The following PDZD4 variants were observed in gnomAD, a reference collection of about 807,000 sequenced individuals.
The protein encoded by PDZD4 is PDZ domain containing 4.
A neutral mutation model predicts 38.5 loss-of-function variants in PDZD4; 9 were observed. That is an observed-to-expected ratio of 0.23 (90% confidence interval 0.14 to 0.41). The LOEUF (loss-of-function observed/expected upper bound fraction) is 0.41. PDZD4 is among the 10% of genes least tolerant of loss of function. The pLI is 1.00. For synonymous variants in PDZD4, 349 were observed against 315.7 expected (o/e 1.11, Z -1.12); for missense variants, 612 against 722.0 (o/e 0.85, Z 1.75).
At position 153,804,139 on chromosome X, in the gene PDZD4, G is replaced by C; in HGVS notation, c.1542C>G (p.Gly514=). 1 of 1,151,717 alleles carries C rather than the reference G, an allele frequency of 8.7e-7. No homozygotes were observed. Among genetic ancestry groups the C allele is most frequent in the Non-Finnish European group, 1.2e-6 (1 of 867,706 alleles). The allele number at this position is 1,151,717 out of a possible 1,213,427, so 94.9% of individuals were successfully genotyped here. The change falls in exon 8 of 8, where the codon GGC becomes GGG. Residue 514 remains glycine, a synonymous_variant. Transcript: ENST00000393758. ...CCTTGGCGGGGGTGGCAACAGCGGGGCCGGGAGGGGTCCGGTTCAAGTTGG... is the reference window on the plus strand; with the variant it reads ...CCTTGGCGGGGGTGGCAACAGCGGGCCCGGGAGGGGTCCGGTTCAAGTTGG... ...GNSNLNRTPP[G]PAVATPAKAA...
chrX:153,827,204 A>G (rs1402146913), intron 1 of PDZD4, among the ~76,000 whole-genome samples: 1 of 112,406 alleles, frequency 8.9e-6, no homozygotes, highest in African/African-American at 3.2e-5. Context: ...CAGGAAGTGC[A>G]AATCAAAATC....
Position 153,803,196 on chromosome X carries a change from A to G in PDZD4, c.*157T>C, listed in dbSNP as rs1452243257. On this transcript the variant is annotated 3_prime_UTR_variant, in exon 8 of 8. Transcript: ENST00000393758. The stretch of plus-strand genomic sequence containing the variant: ...TCTCCTCAGGGGCTTCTCTCTGCTA[A>G]CAAAGCCCTGTGCGCACACCCAGAC... The G allele has an allele frequency of 5.5e-5, 19 of 344,232 alleles. No homozygotes were observed. In the East Asian group the frequency reaches 8.8e-4, roughly 16 times the overall value. 28.4% of individuals were successfully genotyped at this position (344,232 alleles called of 1,213,427 possible).
In PDZD4 at chrX:153,830,527, G is replaced by T. The variant is rs1245477614; in HGVS notation, c.-229C>A. On this transcript the variant is annotated 5_prime_UTR_variant, in exon 1 of 8. Transcript: ENST00000393758. Reference sequence around the variant, plus strand: ...GGCGCGGGCATGCTCCCTCGCACCCGGCCAGGAGAAAAAGGGCAGCGGGGG... The same window carrying T: ...GGCGCGGGCATGCTCCCTCGCACCCTGCCAGGAGAAAAAGGGCAGCGGGGG... 7 of 276,562 alleles carry T rather than the reference G, an allele frequency of 2.5e-5. No homozygotes were observed. The highest frequency in any genetic ancestry group is 2.1e-4 in the South Asian group (2 of 9,535). The allele number at this position is 276,562 out of a possible 1,213,427, so 22.8% of individuals were successfully genotyped here. A position where few individuals can be genotyped will look rare whatever the true frequency, so the allele number is the denominator to read the frequency against.
At position 153,802,256 on chromosome X, in the gene PDZD4, C is replaced by T. The variant is rs1225087691; in HGVS notation, c.*1097G>A. 1 of 111,939 alleles carries T rather than the reference C, an allele frequency of 8.9e-6. No individual in the cohort carries two copies. Among genetic ancestry groups the T allele is most frequent in the Non-Finnish European group, 1.9e-5 (1 of 53,120 alleles). The allele number at this position is 111,939 out of a possible 1,213,427, so 9.2% of individuals were successfully genotyped here. A position where few individuals can be genotyped will look rare whatever the true frequency, so the allele number is the denominator to read the frequency against. On this transcript the variant is annotated 3_prime_UTR_variant, in exon 8 of 8. Coordinates refer to ENST00000393758, the MANE Select transcript of PDZD4 (RefSeq NM_001303512.2). The stretch of plus-strand genomic sequence containing the variant: ...CTGTCTGCCTCCAATCTGGGGCTCT[C>T]CAAGCCTAAGGGGCACCCCACAGGC...
At position 153,803,208 on chromosome X, in the gene PDZD4, G is replaced by A. The variant is rs1320556247; in HGVS notation, c.*145C>T. ...CTTCTCTCTGCTAACAAAGCCCTGTGCGCACACCCAGACGAGGAGATGTGT... is the reference window on the plus strand; with the variant it reads ...CTTCTCTCTGCTAACAAAGCCCTGTACGCACACCCAGACGAGGAGATGTGT... On this transcript the variant is annotated 3_prime_UTR_variant, in exon 8 of 8. Transcript: ENST00000393758. 1.4e-5 allele frequency: 5 copies of A among 356,124 alleles called. No homozygotes were observed. Among genetic ancestry groups the A allele is most frequent in the Non-Finnish European group, 1.8e-5 (4 of 224,986 alleles). 29.3% of individuals were successfully genotyped at this position (356,124 alleles called of 1,213,427 possible).
chrX:153,810,294 A>G (rs2064297048), intron 1 of PDZD4, among the ~76,000 whole-genome samples: 1 of 112,336 alleles, frequency 8.9e-6, no homozygotes, highest in Admixed American at 9.3e-5. Flanking sequence ...GACCTTACCC[A>G]CAGCTAAGGG....
In PDZD4 at chrX:153,812,391, C is replaced by T. The variant is rs144522488; in HGVS notation, c.61-3796G>A. Reference sequence around the variant, plus strand: ...CTCAGGTGACAGAGATGACAGAGAACGCACGAATGCCTTTCTACCCGGAAT... The same window carrying T: ...CTCAGGTGACAGAGATGACAGAGAATGCACGAATGCCTTTCTACCCGGAAT... On this transcript the variant is annotated intron_variant, in intron 1 of 7. Coordinates refer to ENST00000393758, the MANE Select transcript of PDZD4 (RefSeq NM_001303512.2). 6.3e-4 allele frequency among the ~76,000 whole-genome samples: 69 copies of T among 108,921 alleles called. 1 individual carries two copies. The highest frequency in any genetic ancestry group is 2.1e-3 in the African/African-American group (64 of 29,848). 94.6% of individuals were successfully genotyped at this position (108,921 alleles called of 115,157 possible).
In PDZD4 at chrX:153,830,383, C is replaced by T; in HGVS notation, c.-85G>A. ...GGGCGCGGGACCTCGGGTCCCGGGC[C>T]GGGGCCAGGGGCCATACCCTGGCGC... On this transcript the variant is annotated 5_prime_UTR_variant, in exon 1 of 8. Coordinates refer to ENST00000393758, the MANE Select transcript of PDZD4 (RefSeq NM_001303512.2). 1 of 892,022 alleles carries T rather than the reference C, an allele frequency of 1.1e-6. No homozygotes were observed. Among genetic ancestry groups the T allele is most frequent in the Non-Finnish European group, 1.6e-6 (1 of 630,617 alleles). 73.5% of individuals were successfully genotyped at this position (892,022 alleles called of 1,213,427 possible).
Position 153,803,627 on chromosome X carries a change from T to C in PDZD4, c.2054A>G (p.Glu685Gly). ...EMKMGRYWSK[E>G]ERKQHLIRAR... ...CCGGATCAGGTGCTGCTTCCGCTCC[T>C]CCTTGCTCCAGTAGCGGCCCATCTT... is the stretch of plus-strand genomic sequence containing the variant. The change falls in exon 8 of 8, where the codon GAG (glutamate) becomes GGG (glycine). Residue 685 changes from glutamate to glycine, a missense_variant. Coordinates refer to ENST00000393758, the MANE Select transcript of PDZD4 (RefSeq NM_001303512.2). 8.3e-7 allele frequency: 1 copy of C among 1,210,483 alleles called. No individual in the cohort carries two copies. Among genetic ancestry groups the C allele is most frequent in the Admixed American group, 2.2e-5 (1 of 46,168 alleles).
intron 7 of PDZD4, 22 bp from the exon 8 acceptor site, chrX:153,804,922 C>G: frequency 8.4e-7 from 1 of 1,188,316 alleles, no homozygotes; most frequent in Non-Finnish European, 1.1e-6. Context: ...AGGTAAGTAC[C>G]GCTCAGTTAG....
intron 1 of PDZD4, among the ~76,000 whole-genome samples, chrX:153,811,967 T>C (rs2064314322): frequency 8.9e-6 from 1 of 111,934 alleles, no homozygotes; most frequent in African/African-American, 3.3e-5. Context: ...CGATTATTGG[T>C]ATTTTAACCG....
At chrX:153,821,290 G>A (rs2064420633) in intron 1 of PDZD4, among the ~76,000 whole-genome samples, 1 of 110,790 alleles carries the variant, frequency 9.0e-6, no homozygotes, top group Non-Finnish European at 1.9e-5. Context: ...ATGTATACCG[G>A]TAGGGGTGCC....
rs1557075536 is a variant in PDZD4, at chrX:153,803,844, G to A, written c.1837C>T (p.Pro613Ser). 2.5e-6 allele frequency: 3 copies of A among 1,192,208 alleles called. No homozygotes were observed. Among genetic ancestry groups the A allele is most frequent in the South Asian group, 3.6e-5 (2 of 54,946 alleles). The change falls in exon 8 of 8, where the codon CCT (proline) becomes TCT (serine). Residue 613 changes from proline (P) to serine (S), a missense_variant. Pro to Ser is a moderately conservative substitution (Grantham distance 74). Coordinates refer to ENST00000393758, the MANE Select transcript of PDZD4 (RefSeq NM_001303512.2). ...GCGGCCGCCACCCCGCCCACCCGAG[G>A]GCCACCGGCCAAGCTCAGGGGGCCG... ...GHGPLSLAGG[P>S]RVGGVAAAAT... is the part of the protein sequence containing the mutation.
chrX:153,829,161 C>A (rs2064513171), intron 1 of PDZD4, among the ~76,000 whole-genome samples: 1 of 110,648 alleles, frequency 9.0e-6, no homozygotes, highest in African/African-American at 3.3e-5. Flanking sequence ...TGAAGTCAGT[C>A]CCCGGATTCC....
chrX:153,828,532 C>A (rs1255555228), intron 1 of PDZD4, among the ~76,000 whole-genome samples: 3 of 112,218 alleles, frequency 2.7e-5, no homozygotes, highest in Admixed American at 9.4e-5. Flanking sequence ...GGAGGGCCCA[C>A]CCAAGTTCAC....
chrX:153,804,631 G>T lies in PDZD4; in HGVS notation c.1050C>A (p.Gly350=). The T allele has an allele frequency of 8.3e-7, 1 of 1,209,218 alleles. No homozygotes were observed. Among genetic ancestry groups the T allele is most frequent in the Non-Finnish European group, 1.1e-6 (1 of 895,062 alleles). Residue 350 remains glycine, a synonymous_variant, in exon 8 of 8, where the codon GGC becomes GGA. Coordinates refer to ENST00000393758, the MANE Select transcript of PDZD4 (RefSeq NM_001303512.2). Reference sequence around the variant, plus strand: ...CCTCATCCGTGAGGCCCGGGACGTCGCCCCCTCCCAGCCCCGCCCCCTCGG... The same window carrying T: ...CCTCATCCGTGAGGCCCGGGACGTCTCCCCCTCCCAGCCCCGCCCCCTCGG... ...LLAEGAGLGG[G]DVPGLTDEEY...
chrX:153,811,168 G>T (rs781955342), intron 1 of PDZD4, among the ~76,000 whole-genome samples: 1 of 107,102 alleles, frequency 9.3e-6, no homozygotes, highest in Admixed American at 1.0e-4. Flanking sequence ...ACAGAGTCTT[G>T]CTCTGTCATC....
At chrX:153,823,683 C>T (rs782301040) in intron 1 of PDZD4, among the ~76,000 whole-genome samples, 1 of 112,460 alleles carries the variant, frequency 8.9e-6, no homozygotes, top group Admixed American at 9.4e-5. Flanking sequence ...AACTGAATGG[C>T]CCGAGGGCAG....
At chrX:153,822,764 C>T (rs5945354) in intron 1 of PDZD4, among the ~76,000 whole-genome samples, 23,830 of 109,647 alleles carry the variant, frequency 0.22, 2,476 homozygotes, top group East Asian at 0.59. Context: ...CAGAAGCCTC[C>T]AACTCCTGGG....
Sources: gnomAD v4.1 joint callset for allele counts (sites outside exome capture counted in the v4.1 genomes callset) on GRCh38, gnomAD v4.1.1 for gene constraint, MANE v1.5 for transcripts, NCBI Gene and HGNC (gene_info 2026-07-23, HGNC 2026-07-21) for gene names.